ANKS1B: variants seen among roughly 807,000 people sequenced by gnomAD.
ANKS1B encodes the protein ankyrin repeat and sterile alpha motif domain-containing protein 1B.
Under a neutral mutation model 148.3 loss-of-function variants are expected in ANKS1B, and 36 were observed. The observed-to-expected ratio is 0.24, with a 90% confidence interval of 0.19 to 0.32. The LOEUF is 0.32. Ranked by LOEUF, ANKS1B falls within the 10% of genes least tolerant of loss-of-function variation. The pLI is 1.00. For missense variants in ANKS1B, 1,157 were observed against 1,542.6 expected (o/e 0.75, Z 4.19); for synonymous variants, 542 against 560.8 (o/e 0.97, Z 0.47).
At chr12:99,802,626 A>C (rs543869861) in intron 4 of ANKS1B, among the ~76,000 whole-genome samples, 19 of 152,292 alleles carry the variant, frequency 1.2e-4, no homozygotes, top group Admixed American at 4.6e-4. Context: ...TTAAAAACAT[A>C]TGTAGGTCAG....
chr12:99,332,213 A>G (rs908164025), intron 12 of ANKS1B, among the ~76,000 whole-genome samples: 1 of 152,034 alleles, frequency 6.6e-6, no homozygotes, highest in Admixed American at 6.6e-5. Context: ...AAATCTACTG[A>G]AACTGAACAC....
At position 99,621,053 on chromosome 12, in the gene ANKS1B, A is replaced by C. The variant is rs986514866; in HGVS notation, c.1272+34014T>G. On this transcript the variant is annotated intron_variant, in intron 9 of 26. Coordinates refer to ENST00000683438, the MANE Select transcript of ANKS1B (RefSeq NM_001352186.2). ...CCCATCAAGCTAACATAGACATTTC[A>C]GTTGAAACCTTACAAGCCAGTAGAG... is the stretch of plus-strand genomic sequence containing the variant. 4.1e-4 allele frequency among the ~76,000 whole-genome samples: 63 copies of C among 152,286 alleles called. 1 individual carries two copies. Among genetic ancestry groups the C allele is most frequent in the Admixed American group, 3.9e-3 (60 of 15,290 alleles).
At chr12:99,647,608 G>A (rs564083315) in intron 9 of ANKS1B, 151 of 156,482 alleles carry the variant, frequency 9.6e-4, no homozygotes, top group Non-Finnish European at 1.9e-3. Context: ...AGCTGTGGAG[G>A]GCGGTGGGGC....
chr12:99,448,676 A>G (rs971224342), intron 10 of ANKS1B, among the ~76,000 whole-genome samples: 1 of 152,112 alleles, frequency 6.6e-6, no homozygotes, highest in African/African-American at 2.4e-5. Flanking sequence ...GTTGTACACA[A>G]TAAGTATATA....
intron 14 of ANKS1B, among the ~76,000 whole-genome samples, chr12:99,232,734 C>T (rs1009336074): frequency 6.6e-6 from 1 of 152,134 alleles, no homozygotes; most frequent in African/African-American, 2.4e-5. Context: ...ATGAAAGCAA[C>T]TTAGAATATG....
intron 17 of ANKS1B, among the ~76,000 whole-genome samples, chr12:99,033,215 T>C (rs2099953386): frequency 6.6e-6 from 1 of 152,222 alleles, no homozygotes; most frequent in South Asian, 2.1e-4. Context: ...TAAGTTATTC[T>C]TATGTATAGT....
intron 1 of ANKS1B, among the ~76,000 whole-genome samples, chr12:99,918,856 G>T (rs945001144): frequency 6.6e-6 from 1 of 151,944 alleles, no homozygotes; most frequent in Non-Finnish European, 1.5e-5. Flanking sequence ...CTATAAACAC[G>T]CTCCTTAAAA....
At chr12:99,034,495 T>C (rs1365203426) in intron 17 of ANKS1B, among the ~76,000 whole-genome samples, 1 of 152,122 alleles carries the variant, frequency 6.6e-6, no homozygotes, top group Non-Finnish European at 1.5e-5. Flanking sequence ...TTTGCATTTT[T>C]TGTAGAGACG....
At chr12:99,052,769 C>CAAG (rs2099967104) in intron 17 of ANKS1B, among the ~76,000 whole-genome samples, 1 of 117,622 alleles carries the variant, frequency 8.5e-6, no homozygotes, top group Non-Finnish European at 1.8e-5. Context: ...GAAATAGAGA[C>CAAG]AAGGAAACAT....
intron 4 of ANKS1B, among the ~76,000 whole-genome samples, chr12:99,790,720 T>C (rs2065538066): frequency 6.6e-6 from 1 of 152,030 alleles, no homozygotes. Context: ...TAAGGTAGTA[T>C]TTGCAAGCCT....
chr12:99,515,174 TCCAATTATA>T (rs145910197), intron 9 of ANKS1B, among the ~76,000 whole-genome samples: 13,516 of 152,018 alleles, frequency 0.089, 1,973 homozygotes, highest in African/African-American at 0.31. Flanking sequence ...GTTACGTAAG[TCCAATTATA>T]CCCTTTTAGT....
In ANKS1B at chr12:98,795,012, C is replaced by T. The variant is rs542142953; in HGVS notation, c.3342+3922G>A. 6.3e-4 allele frequency: 521 copies of T among 830,566 alleles called. 3 individuals are homozygous for T. The South Asian group carries it at 7.0e-3, about 11-fold the overall frequency. The allele number at this position is 830,566 out of a possible 1,614,324, so 51.4% of individuals were successfully genotyped here. On this transcript the variant is annotated intron_variant, in intron 22 of 26. Coordinates refer to ENST00000683438, the MANE Select transcript of ANKS1B (RefSeq NM_001352186.2). ...TTCTTTTATGAACATTTGAAAATGC[C>T]CTTTGGAGACTTGAAACTGCTAAAT...
intron 22 of ANKS1B, among the ~76,000 whole-genome samples, chr12:98,785,856 T>A (rs1197360637): frequency 1.3e-5 from 2 of 152,230 alleles, no homozygotes; most frequent in Admixed American, 1.3e-4. Flanking sequence ...TTGATTTGTA[T>A]AAACAGAACT....
chr12:99,290,030 G>A (rs2079714490), intron 12 of ANKS1B, among the ~76,000 whole-genome samples: 1 of 151,160 alleles, frequency 6.6e-6, no homozygotes, highest in South Asian at 2.1e-4. Context: ...CTTTTAGCCA[G>A]ACTAAGAAAA....
chr12:99,805,433 G>C (rs2067514781), intron 4 of ANKS1B, among the ~76,000 whole-genome samples: 1 of 151,942 alleles, frequency 6.6e-6, no homozygotes, highest in Non-Finnish European at 1.5e-5. Context: ...AGACTAGCCT[G>C]AGCAACAGAG....
At chr12:99,028,697 A>C (rs910716646) in intron 17 of ANKS1B, among the ~76,000 whole-genome samples, 4 of 152,250 alleles carry the variant, frequency 2.6e-5, no homozygotes, top group African/African-American at 9.6e-5. Flanking sequence ...GACAATAACC[A>C]TAGCTGTACA....
intron 19 of ANKS1B, among the ~76,000 whole-genome samples, chr12:98,827,207 C>T (rs1201431347): frequency 6.6e-6 from 1 of 152,074 alleles, no homozygotes; most frequent in African/African-American, 2.4e-5. Context: ...CCCTTTTTCT[C>T]ATTGATCAGA....
chr12:99,101,869 G>T (rs756012430), intron 15 of ANKS1B, among the ~76,000 whole-genome samples: 31 of 152,266 alleles, frequency 2.0e-4, no homozygotes, highest in Admixed American at 3.9e-4. Flanking sequence ...GCCTTGAGGG[G>T]CTGTGTTCTG....
At chr12:99,261,831 G>T (rs141931902) in intron 12 of ANKS1B, among the ~76,000 whole-genome samples, 1 of 152,084 alleles carries the variant, frequency 6.6e-6, no homozygotes, top group African/African-American at 2.4e-5. Flanking sequence ...ACTCTTCAAT[G>T]GCACCTTGAT....
Sources: allele counts gnomAD v4.1 joint callset (sites outside exome capture counted in the v4.1 genomes callset), GRCh38; gene constraint gnomAD v4.1.1; transcripts MANE v1.5; gene names NCBI Gene and HGNC (gene_info 2026-07-23, HGNC 2026-07-21).